Variants in MACROD2 observed in about 807,000 individuals in gnomAD.
MACROD2 encodes the protein ADP-ribose glycohydrolase MACROD2.
In MACROD2, 36 loss-of-function variants were observed where a neutral mutation model predicts 70.4. That is an observed-to-expected ratio of 0.51 (90% CI 0.39 to 0.68). MACROD2 has a LOEUF of 0.68. Among genes scored for constraint, MACROD2 ranks in the 30% least tolerant of loss-of-function variants. The pLI is 0.00. For missense variants in MACROD2, 496 were observed against 538.4 expected, an observed-to-expected ratio of 0.92 and a Z score of 0.78; for synonymous variants, 172 against 178.8, an observed-to-expected ratio of 0.96 and a Z score of 0.30.
chr20:15,676,195 T>C (rs1023648309), intron 8 of MACROD2, among the ~76,000 whole-genome samples: 1 of 152,228 alleles, frequency 6.6e-6, no homozygotes, highest in Non-Finnish European at 1.5e-5. Flanking sequence ...ATTAAAGGAA[T>C]CTGCATCTTA....
intron 8 of MACROD2, among the ~76,000 whole-genome samples, chr20:15,821,254 T>C (rs1320638944): frequency 6.6e-6 from 1 of 152,174 alleles, no homozygotes; most frequent in East Asian, 1.9e-4. Context: ...TTCATTTTAC[T>C]ATTTTATTTA....
chr20:15,873,060 C>A (rs898825956), intron 9 of MACROD2, among the ~76,000 whole-genome samples: 1 of 152,096 alleles, frequency 6.6e-6, no homozygotes, highest in Admixed American at 6.6e-5. Flanking sequence ...TTTTAAAAAT[C>A]ATCTTTGTAG....
At chr20:15,414,263 C>A (rs1210235596) in intron 6 of MACROD2, among the ~76,000 whole-genome samples, 1 of 152,158 alleles carries the variant, frequency 6.6e-6, no homozygotes, top group Non-Finnish European at 1.5e-5. Flanking sequence ...GCTACTCAGA[C>A]TGTAATCCCA....
At chr20:14,119,159 A>ATTTTT (rs1181793101) in intron 3 of MACROD2, among the ~76,000 whole-genome samples, 7 of 56,762 alleles carry the variant, frequency 1.2e-4, no homozygotes, top group Non-Finnish European at 2.1e-4. Context: ...AATGACTGTG[A>ATTTTT]TTTTTTTTTT....
rs1241823666 is a variant in MACROD2 at position 14,124,930 on chromosome 20, CA to C, written c.271+39206del. 3.9e-5 allele frequency among the ~76,000 whole-genome samples: 6 copies of C among 152,186 alleles called. No homozygotes were observed. In the East Asian group the frequency reaches 1.2e-3, roughly 29 times the overall value. ...GTTCATCTTCTGACGAATGGATACA[CA>C]AAATGTGGTCTATCCATACAATGAA... On this transcript the variant is annotated intron_variant, in intron 3 of 17. Transcript: ENST00000684519.
rs148349389 is a variant in MACROD2, at chr20:14,932,813, G to A, written c.418+247854G>A. On this transcript the variant is annotated intron_variant, in intron 5 of 17. Transcript: ENST00000684519. ...AAACTCCTGACCTCCTGATCTGCCC[G>A]CCTCGGCCTCCCAAAGTGCTGGGAT... Among the ~76,000 whole-genome samples the A allele has an allele frequency of 8.2e-3, 1,246 of 152,090 alleles. 23 individuals carry two copies. Among genetic ancestry groups the A allele is most frequent in the African/African-American group, 0.028 (1,176 of 41,488 alleles).
At chr20:14,856,516 A>G (rs1439974943) in intron 5 of MACROD2, among the ~76,000 whole-genome samples, 1 of 152,212 alleles carries the variant, frequency 6.6e-6, no homozygotes, top group Non-Finnish European at 1.5e-5. Flanking sequence ...CTATTTTATT[A>G]CAACCATAAA....
intron 3 of MACROD2, among the ~76,000 whole-genome samples, chr20:14,373,290 T>C (rs2083343099): frequency 6.6e-6 from 1 of 152,200 alleles, no homozygotes. Context: ...ATAATATGTA[T>C]GTTTAATTTC....
At chr20:14,015,839 C>T (rs937320813) in intron 2 of MACROD2, among the ~76,000 whole-genome samples, 5 of 152,204 alleles carry the variant, frequency 3.3e-5, no homozygotes, top group African/African-American at 9.6e-5. Context: ...TATTATTACA[C>T]TGTATGTGTA....
At chr20:15,018,712 C>T (rs968191119) in intron 5 of MACROD2, among the ~76,000 whole-genome samples, 6 of 152,090 alleles carry the variant, frequency 3.9e-5, no homozygotes, top group African/African-American at 9.7e-5. Flanking sequence ...GCTTTATATT[C>T]GCTGGAAGCT....
intron 5 of MACROD2, among the ~76,000 whole-genome samples, chr20:14,845,949 A>C (rs1034517775): frequency 6.6e-6 from 1 of 152,242 alleles, no homozygotes; most frequent in African/African-American, 2.4e-5. Context: ...TCACAGCAGT[A>C]CTTATCACTG....
At chr20:14,732,987 G>A (rs1436901929) in intron 5 of MACROD2, among the ~76,000 whole-genome samples, 1 of 152,106 alleles carries the variant, frequency 6.6e-6, no homozygotes, top group Non-Finnish European at 1.5e-5. Context: ...ACATAGCATA[G>A]CCACACTTGA....
chr20:14,259,809 G>C (rs570739092), intron 3 of MACROD2, among the ~76,000 whole-genome samples: 1 of 152,186 alleles, frequency 6.6e-6, no homozygotes, highest in Admixed American at 6.5e-5. Flanking sequence ...TTGGTATGTA[G>C]AGAAGTAGTA....
intron 3 of MACROD2, among the ~76,000 whole-genome samples, chr20:14,461,249 C>T (rs942280272): frequency 3.4e-4 from 52 of 151,896 alleles, no homozygotes; most frequent in African/African-American, 1.1e-3. Flanking sequence ...GTAGTTTGTA[C>T]TTCTGTGGGA....
chr20:14,814,197 T>G (rs529109337), intron 5 of MACROD2, among the ~76,000 whole-genome samples: 1 of 152,058 alleles, frequency 6.6e-6, no homozygotes, highest in Non-Finnish European at 1.5e-5. Flanking sequence ...TCCAAATCAG[T>G]GCTGTTTCGT....
At chr20:14,411,478 T>G (rs73256923) in intron 3 of MACROD2, among the ~76,000 whole-genome samples, 4,018 of 152,088 alleles carry the variant, frequency 0.026, 190 homozygotes, top group African/African-American at 0.092. Context: ...TCCCACAGCA[T>G]TACTCCCATA....
At chr20:14,078,501 G>A (rs997128025) in intron 2 of MACROD2, among the ~76,000 whole-genome samples, 2 of 151,832 alleles carry the variant, frequency 1.3e-5, no homozygotes, top group African/African-American at 2.4e-5. Context: ...CCACCTCCCA[G>A]GTTCAAGCGA....
Position 16,045,600 on chromosome 20 carries a change from C to T in MACROD2, c.1300+961C>T, listed in dbSNP as rs146007513. Among the ~76,000 whole-genome samples the T allele has an allele frequency of 5.8e-3, 879 of 152,042 alleles. 6 individuals are homozygous for T. Among genetic ancestry groups the T allele is most frequent in the African/African-American group, 0.02 (824 of 41,458 alleles). ...AAGGGTTCAAGGGGGAGTTGTGAAA[C>T]GTCTTTGCCCTTGGTCAGGTCACAT... On this transcript the variant is annotated intron_variant, in intron 17 of 17. Transcript: ENST00000684519.
At chr20:15,931,215 T>C (rs890331914) in intron 10 of MACROD2, among the ~76,000 whole-genome samples, 1 of 152,160 alleles carries the variant, frequency 6.6e-6, no homozygotes, top group African/African-American at 2.4e-5. Context: ...ATTTCCTCCC[T>C]AGAGCAAAGG....
Sources: gnomAD v4.1 joint callset for allele counts (sites outside exome capture counted in the v4.1 genomes callset) on GRCh38, gnomAD v4.1.1 for gene constraint, MANE v1.5 for transcripts, NCBI Gene and HGNC (gene_info 2026-07-23, HGNC 2026-07-21) for gene names.